NFATC3: variants seen among roughly 807,000 people sequenced by gnomAD.
NFATC3 encodes the protein nuclear factor of activated T-cells, cytoplasmic 3.
Under a neutral mutation model 98.6 loss-of-function variants are expected in NFATC3, and 46 were observed. The observed-to-expected ratio is 0.47, with a 90% CI of 0.37 to 0.60. The LOEUF (loss-of-function observed/expected upper bound fraction) is 0.60, where lower values mean the gene tolerates loss of function less well. Ranked by LOEUF, NFATC3 falls within the 20% of genes least tolerant of loss-of-function variation. The pLI, the probability that NFATC3 is intolerant of heterozygous loss-of-function variation, is 0.00. For synonymous variants in NFATC3, 512 were observed against 472.2 expected (o/e 1.08, Z -1.09); for missense variants, 1,256 against 1,295.5 (o/e 0.97, Z 0.47).
intron 1 of NFATC3, among the ~76,000 whole-genome samples, chr16:68,112,857 T>G (rs2036056205): frequency 6.6e-6 from 1 of 152,058 alleles, no homozygotes; most frequent in Non-Finnish European, 1.5e-5. Context: ...TCTGATATCC[T>G]TTCCTCTGCC....
intron 9 of NFATC3, among the ~76,000 whole-genome samples, chr16:68,218,762 C>G (rs771271581): frequency 3.3e-5 from 5 of 150,734 alleles, no homozygotes; most frequent in Non-Finnish European, 5.9e-5. Flanking sequence ...TTAATAGAGA[C>G]GGGGTTTCAC....
chr16:68,207,741 C>T (rs141373270), intron 9 of NFATC3, among the ~76,000 whole-genome samples: 7 of 152,200 alleles, frequency 4.6e-5, no homozygotes, highest in East Asian at 3.9e-4. Flanking sequence ...GGATTGCAGG[C>T]GTGAGCCACC....
At chr16:68,190,738 T>C (rs1317984516) in intron 8 of NFATC3, 30 bp from the exon 9 acceptor site, 1 of 1,566,268 alleles carries the variant, frequency 6.4e-7, no homozygotes, top group Admixed American at 1.9e-5. Flanking sequence ...TATTGTATAA[T>C]AATATTTGCT....
chr16:68,225,427 A>G (rs913459188), intron 9 of NFATC3: 2 of 152,118 alleles, frequency 1.3e-5, no homozygotes, highest in Non-Finnish European at 2.9e-5. Flanking sequence ...TGTCTGGCCT[A>G]TTTCACTTAG....
At chr16:68,209,496 T>A (rs1471622671) in intron 9 of NFATC3, 3 of 203,248 alleles carry the variant, frequency 1.5e-5, no homozygotes, top group Non-Finnish European at 3.1e-5. Context: ...GGAGGTGTGG[T>A]GGCTGTTAAT....
At chr16:68,194,192 T>C (rs1394365614) in intron 9 of NFATC3, among the ~76,000 whole-genome samples, 1 of 152,230 alleles carries the variant, frequency 6.6e-6, no homozygotes, top group Non-Finnish European at 1.5e-5. Context: ...TCCAGTCTTT[T>C]TCTTGTGGCA....
At chr16:68,139,763 G>A (rs1598429976) in intron 3 of NFATC3, among the ~76,000 whole-genome samples, 2 of 152,296 alleles carry the variant, frequency 1.3e-5, no homozygotes, top group East Asian at 3.9e-4. Context: ...AAAGCAGTTT[G>A]CTAATGTAGC....
At chr16:68,203,957 G>A (rs2041034598) in intron 9 of NFATC3, among the ~76,000 whole-genome samples, 1 of 152,098 alleles carries the variant, frequency 6.6e-6, no homozygotes, top group African/African-American at 2.4e-5. Flanking sequence ...GGAGGTCGAG[G>A]CAGGCGGATC....
At chr16:68,114,095 A>AT (rs1383576958) in intron 1 of NFATC3, among the ~76,000 whole-genome samples, 1 of 151,982 alleles carries the variant, frequency 6.6e-6, no homozygotes, top group Non-Finnish European at 1.5e-5. Flanking sequence ...TCATGAGGGG[A>AT]TTTCCTGATC....
Position 68,122,018 on chromosome 16 carries a change from C to T in NFATC3, c.135C>T (p.Tyr45=), listed in dbSNP as rs750219289. The change falls in exon 2 of 10, where the codon TAC becomes TAT. Residue 45 remains tyrosine (Y), a synonymous_variant. Transcript: ENST00000346183. ...AGCCAGATGATTGTGCATCCATTTACATCTTTAATGTAGATCCACCTCCAT... is the reference window on the plus strand; with the variant it reads ...AGCCAGATGATTGTGCATCCATTTATATCTTTAATGTAGATCCACCTCCAT... ...DLEPDDCASI[Y]IFNVDPPPST... is the part of the protein sequence containing the mutation. 3.1e-6 allele frequency: 5 copies of T among 1,611,202 alleles called. No individual in the cohort carries two copies. Among genetic ancestry groups the T allele is most frequent in the Non-Finnish European group, 4.2e-6 (5 of 1,178,944 alleles).
Position 68,215,813 on chromosome 16 carries a change from C to T in NFATC3, c.3107-10537C>T, listed in dbSNP as rs57177645. On this transcript the variant is annotated intron_variant, in intron 9 of 9. Transcript: ENST00000346183. The stretch of plus-strand genomic sequence containing the variant: ...TGCGATCTCCGCTCACTGCACGCTC[C>T]GCCTCCCAGGTTGACGCCATTCTCC... 4.7e-3 allele frequency among the ~76,000 whole-genome samples: 713 copies of T among 150,508 alleles called. 9 individuals carry two copies. Among genetic ancestry groups the T allele is most frequent in the African/African-American group, 0.017 (674 of 40,812 alleles).
chr16:68,187,427 C>G (rs551214460), intron 8 of NFATC3, among the ~76,000 whole-genome samples: 1 of 152,324 alleles, frequency 6.6e-6, no homozygotes, highest in East Asian at 1.9e-4. Flanking sequence ...CCACTGAGTT[C>G]TTGTCCTGTG....
intron 9 of NFATC3, among the ~76,000 whole-genome samples, chr16:68,215,302 T>TTA (rs1171716122): frequency 1.3e-5 from 2 of 152,198 alleles, no homozygotes; most frequent in Non-Finnish European, 2.9e-5. Context: ...GAGTGGTGAC[T>TTA]TAATTCCTGC....
chr16:68,102,006 T>C (rs909608976), intron 1 of NFATC3, among the ~76,000 whole-genome samples: 2 of 152,134 alleles, frequency 1.3e-5, no homozygotes, highest in Non-Finnish European at 2.9e-5. Context: ...TCTTTGCAAC[T>C]CATTTTGGTG....
At chr16:68,106,736 TTTG>T (rs933415163) in intron 1 of NFATC3, among the ~76,000 whole-genome samples, 8 of 150,258 alleles carry the variant, frequency 5.3e-5, no homozygotes, top group African/African-American at 2.0e-4. Flanking sequence ...GCCTTTTTTT[TTTG>T]TTGTTTTTTT....
intron 9 of NFATC3, chr16:68,226,080 A>G: frequency 3.4e-6 from 1 of 290,398 alleles, no homozygotes; most frequent in Non-Finnish European, 6.3e-6. Flanking sequence ...AGTAAGGTGA[A>G]TACTTATTTA....
intron 1 of NFATC3, among the ~76,000 whole-genome samples, chr16:68,104,864 C>G (rs929557697): frequency 6.5e-4 from 99 of 151,972 alleles, no homozygotes; most frequent in African/African-American, 2.4e-3. Flanking sequence ...CCATGTTAGC[C>G]AGGATGGTCT....
chr16:68,085,484 C>T lies in NFATC3; in HGVS notation c.-198C>T. 2.0e-6 allele frequency: 1 copy of T among 488,496 alleles called. No individual in the cohort carries two copies. Among genetic ancestry groups the T allele is most frequent in the Non-Finnish European group, 3.6e-6 (1 of 280,360 alleles). 30.3% of individuals were successfully genotyped at this position (488,496 alleles called of 1,614,324 possible). ...CACCGGTGGCGGGCGGCTGCGGTTC[C>T]TGGTGCTGCTCGGCGCGCGGCCAGC... On this transcript the variant is annotated 5_prime_UTR_variant, in exon 1 of 10. Coordinates refer to ENST00000346183, the MANE Select transcript of NFATC3 (RefSeq NM_173165.3).
At chr16:68,222,302 A>C (rs1259305005) in intron 9 of NFATC3, among the ~76,000 whole-genome samples, 1 of 121,846 alleles carries the variant, frequency 8.2e-6, no homozygotes, top group African/African-American at 3.9e-5. Flanking sequence ...AAAAAAAAAA[A>C]AAAAAAAAAA....
Sources: gnomAD v4.1 joint callset for allele counts (sites outside exome capture counted in the v4.1 genomes callset) on GRCh38, gnomAD v4.1.1 for gene constraint, MANE v1.5 for transcripts, NCBI Gene and HGNC (gene_info 2026-07-23, HGNC 2026-07-21) for gene names.